The following PRKN variants were observed in gnomAD, a reference collection of about 807,000 sequenced individuals.
PRKN encodes the protein E3 ubiquitin-protein ligase parkin.
In PRKN, 56 loss-of-function variants were observed where a neutral mutation model predicts 59.5. The observed-to-expected ratio is 0.94, with a 90% CI of 0.76 to 1.18. The LOEUF (loss-of-function observed/expected upper bound fraction) is 1.18. PRKN is among the 50% of genes most tolerant of loss of function. The pLI, the probability that PRKN is intolerant of heterozygous loss-of-function variation, is 0.00. For missense variants in PRKN, 657 were observed against 596.4 expected, an observed-to-expected ratio of 1.10 and a Z score of -1.06; for synonymous variants, 250 against 222.1, an observed-to-expected ratio of 1.13 and a Z score of -1.12.
chr6:162,687,779 C>A (rs1430768237), intron 1 of PRKN, among the ~76,000 whole-genome samples: 1 of 152,084 alleles, frequency 6.6e-6, no homozygotes, highest in Non-Finnish European at 1.5e-5. Flanking sequence ...ATTATCATAC[C>A]ATGAGGATGG....
chr6:162,164,671 A>G (rs1411948942), intron 4 of PRKN, among the ~76,000 whole-genome samples: 2 of 149,076 alleles, frequency 1.3e-5, no homozygotes, highest in Non-Finnish European at 3.0e-5. Context: ...ATTTATTATA[A>G]TGAAGTATAG....
At chr6:162,661,891 G>A (rs781270880) in intron 1 of PRKN, among the ~76,000 whole-genome samples, 2 of 152,118 alleles carry the variant, frequency 1.3e-5, no homozygotes, top group African/African-American at 2.4e-5. Flanking sequence ...ACTGTGTGGC[G>A]CTGAAGTCTG....
intron 6 of PRKN, among the ~76,000 whole-genome samples, chr6:161,867,371 T>C (rs894709210): frequency 6.6e-6 from 1 of 152,234 alleles, no homozygotes; most frequent in Non-Finnish European, 1.5e-5. Context: ...AATTTTCATG[T>C]ATCACAAAAT....
At chr6:161,957,573 C>A (rs62435966) in intron 6 of PRKN, among the ~76,000 whole-genome samples, 11 of 151,764 alleles carry the variant, frequency 7.2e-5, no homozygotes, top group Non-Finnish European at 1.6e-4. Context: ...TACAAGTGTG[C>A]GCCACCACGC....
intron 1 of PRKN, among the ~76,000 whole-genome samples, chr6:162,484,507 T>G (rs1446270007): frequency 6.6e-6 from 1 of 152,176 alleles, no homozygotes; most frequent in African/African-American, 2.4e-5. Context: ...AATGTTGGCA[T>G]CTGTTGAGAT....
chr6:162,169,176 G>T (rs1170455304), intron 4 of PRKN, among the ~76,000 whole-genome samples: 3 of 152,150 alleles, frequency 2.0e-5, no homozygotes, highest in African/African-American at 4.8e-5. Context: ...ACATTCCCTT[G>T]TTTGGATTTT....
At chr6:161,874,219 T>C (rs1286995784) in intron 6 of PRKN, among the ~76,000 whole-genome samples, 1 of 36,332 alleles carries the variant, frequency 2.8e-5, no homozygotes, top group South Asian at 1.1e-3. Context: ...TAAAATATAA[T>C]ATATATTATA....
chr6:162,376,027 C>T (rs1345617085), intron 2 of PRKN, among the ~76,000 whole-genome samples: 6 of 152,128 alleles, frequency 3.9e-5, no homozygotes, highest in Non-Finnish European at 8.8e-5. Context: ...AGGAATCCAA[C>T]TCTTGAGAAA....
At chr6:162,098,231 T>C (rs7772803) in intron 4 of PRKN, among the ~76,000 whole-genome samples, 121,152 of 151,644 alleles carry the variant, frequency 0.8, 48,934 homozygotes, top group African/African-American at 0.93. Context: ...CAAAACACTA[T>C]TATGTGCTAC....
Position 161,548,218 on chromosome 6 carries a change from G to C in PRKN, c.1083+636C>G, listed in dbSNP as rs1472682243. ...ATTTAGTAAGCCTTTTTGTGTTTGA[G>C]TTATGCTTCTTCCCCCCTTGAGCCA... On this transcript the variant is annotated intron_variant, in intron 9 of 11. Transcript: ENST00000366898. The surrounding 1 kb of genome is among the most constrained non-coding windows in gnomAD (Gnocchi z 4.2). Among the ~76,000 whole-genome samples, 2 of 152,208 alleles carry C rather than the reference G, an allele frequency of 1.3e-5. No individual in the cohort carries two copies. The highest frequency in any genetic ancestry group is 2.1e-4 in the South Asian group (1 of 4,822).
intron 6 of PRKN, among the ~76,000 whole-genome samples, chr6:161,969,547 G>C (rs1780720038): frequency 6.6e-6 from 1 of 152,080 alleles, no homozygotes; most frequent in Admixed American, 6.5e-5. Flanking sequence ...GAGGTGGTTA[G>C]TGAGGGCGTT....
chr6:162,075,964 CTTTTTTTTTTT>C (rs201642343), intron 4 of PRKN, among the ~76,000 whole-genome samples: 4 of 132,936 alleles, frequency 3.0e-5, no homozygotes, highest in Admixed American at 7.5e-5. Flanking sequence ...GAAAGGCTTG[CTTTTTTTTTTT>C]TTTTTTTTTT....
At chr6:162,461,842 C>G (rs12665583) in intron 1 of PRKN, among the ~76,000 whole-genome samples, 51,700 of 150,350 alleles carry the variant, frequency 0.34, 9,750 homozygotes, top group East Asian at 0.51. Context: ...AAAAAAGAGA[C>G]AATGAAGAAG....
rs1457239570 is a variant in PRKN, at chr6:161,391,712, A to C, written c.1084-4835T>G. Among the ~76,000 whole-genome samples, 1 of 152,014 alleles carries C rather than the reference A, an allele frequency of 6.6e-6. No individual in the cohort carries two copies. The highest frequency in any genetic ancestry group is 1.5e-5 in the Non-Finnish European group (1 of 68,026). ...AATCAGTTTATTTTAAGTAAGAGAG[A>C]TTATCCTAGATAACCTGAAGGGGGC... is the stretch of plus-strand genomic sequence containing the variant. On this transcript the variant is annotated intron_variant, in intron 9 of 11. Transcript: ENST00000366898. This position sits in a 1 kb window ranked among gnomAD's most constrained non-coding sequence, Gnocchi z 4.9.
intron 6 of PRKN, among the ~76,000 whole-genome samples, chr6:161,814,792 G>A (rs1253935811): frequency 3.9e-5 from 6 of 152,122 alleles, no homozygotes; most frequent in Non-Finnish European, 7.4e-5. Context: ...ATGAGTAACC[G>A]CGCCCAGCCG....
intron 2 of PRKN, among the ~76,000 whole-genome samples, chr6:162,412,699 C>T (rs917681696): frequency 9.9e-5 from 15 of 152,106 alleles, no homozygotes; most frequent in African/African-American, 3.4e-4. Flanking sequence ...TTCTTCAAAG[C>T]TCAACTGCAA....
intron 4 of PRKN, among the ~76,000 whole-genome samples, chr6:162,171,495 G>A (rs1413432170): frequency 2.6e-5 from 4 of 152,076 alleles, no homozygotes; most frequent in South Asian, 2.1e-4. Context: ...CTGTCAAACC[G>A]GGAAAATACT....
chr6:162,318,162 C>T (rs1306776837), intron 2 of PRKN, among the ~76,000 whole-genome samples: 1 of 152,052 alleles, frequency 6.6e-6, no homozygotes, highest in African/African-American at 2.4e-5. Flanking sequence ...AAAGTGGAAT[C>T]ATACGATATT....
chr6:161,782,957 A>G (rs1413347936), intron 7 of PRKN, among the ~76,000 whole-genome samples: 1 of 152,170 alleles, frequency 6.6e-6, no homozygotes, highest in Admixed American at 6.5e-5. Context: ...TATTCAATTG[A>G]TGACATAACT....
Sources: allele counts gnomAD v4.1 joint callset (sites outside exome capture counted in the v4.1 genomes callset), GRCh38; gene constraint gnomAD v4.1.1; non-coding constraint Gnocchi (gnomAD v3.1); transcripts MANE v1.5; gene names NCBI Gene and HGNC (gene_info 2026-07-23, HGNC 2026-07-21).